Variants in CSDE1 observed in about 807,000 individuals in gnomAD.
The protein encoded by CSDE1 is cold shock domain-containing protein E1.
CSDE1 carries 17 observed loss-of-function variants against 89.3 expected under a neutral mutation model. The ratio of observed to expected loss-of-function variants is 0.19; its 90% confidence interval spans 0.13 to 0.29. The LOEUF is 0.29. Ranked by LOEUF, CSDE1 falls within the 10% of genes least tolerant of loss-of-function variation. CSDE1 has a pLI of 1.00. For missense variants in CSDE1, 672 were observed against 984.2 expected (o/e 0.68, Z 4.24); for synonymous variants, 322 against 332.8 (o/e 0.97, Z 0.35).
At chr1:114,727,199 A>T in intron 12 of CSDE1, 109 bp from the exon 13 acceptor site, 1 of 681,304 alleles carries the variant, frequency 1.5e-6, no homozygotes, top group Non-Finnish European at 2.4e-6. Flanking sequence ...GTACAGCTGT[A>T]AAAATGTCTT....
intron 2 of CSDE1, among the ~76,000 whole-genome samples, chr1:114,747,945 C>T (rs1661106405): frequency 6.6e-6 from 1 of 151,890 alleles, no homozygotes; most frequent in Non-Finnish European, 1.5e-5. Flanking sequence ...CTATCTAATC[C>T]AACAGAATCC....
chr1:114,717,517 A>G lies in CSDE1; in HGVS notation c.*652T>C, dbSNP rs1416012518. ...AAAGTTACCCCCCAACCCACGAAAA[A>G]AAACCTACTCTGGAAGAAAATTTTC... On this transcript the variant is annotated 3_prime_UTR_variant, in exon 20 of 20. Coordinates refer to ENST00000358528, the MANE Select transcript of CSDE1 (RefSeq NM_001007553.3). 1.3e-5 allele frequency: 2 copies of G among 152,592 alleles called. No homozygotes were observed. Among genetic ancestry groups the G allele is most frequent in the East Asian group, 3.8e-4 (2 of 5,196 alleles). 9.5% of individuals were successfully genotyped at this position (152,592 alleles called of 1,614,324 possible). A position where few individuals can be genotyped will look rare whatever the true frequency, so the allele number is the denominator to read the frequency against.
chr1:114,736,992 C>A, intron 5 of CSDE1, 137 bp from the exon 6 acceptor site: 1 of 620,870 alleles, frequency 1.6e-6, no homozygotes. Flanking sequence ...TGACAAGTCA[C>A]TTTATTCATA....
chr1:114,747,053 C>T (rs955447527), intron 2 of CSDE1, among the ~76,000 whole-genome samples: 39 of 152,272 alleles, frequency 2.6e-4, no homozygotes, highest in Middle Eastern at 3.4e-3. Context: ...AAACTAGGAG[C>T]GCGACAGGAA....
chr1:114,751,160 T>C (rs1661287157), intron 1 of CSDE1, among the ~76,000 whole-genome samples: 1 of 152,196 alleles, frequency 6.6e-6, no homozygotes, highest in African/African-American at 2.4e-5. Context: ...CAAACAGAAA[T>C]CTCATTTGCA....
chr1:114,723,740 A>G, intron 16 of CSDE1, 143 bp downstream of exon 16: 1 of 1,139,672 alleles, frequency 8.8e-7, no homozygotes. Context: ...TAAAAATAAA[A>G]AGCAAGCATG....
At chr1:114,718,543 T>C (rs1659330612) in intron 19 of CSDE1, 70 bp downstream of exon 19, 1 of 1,552,426 alleles carries the variant, frequency 6.4e-7, no homozygotes. Context: ...TGACCTATTG[T>C]TTAAATAGGA....
chr1:114,725,498 C>T (rs573121228), intron 14 of CSDE1, among the ~76,000 whole-genome samples, 165 bp from the exon 15 acceptor site: 1 of 152,182 alleles, frequency 6.6e-6, no homozygotes, highest in South Asian at 2.1e-4. Flanking sequence ...CAAGAATGCC[C>T]CATGAAGAGG....
At chr1:114,737,415 G>T in intron 5 of CSDE1, 56 bp downstream of exon 5, 1 of 1,317,426 alleles carries the variant, frequency 7.6e-7, no homozygotes, top group Non-Finnish European at 1.1e-6. Flanking sequence ...TTTAAAGTAC[G>T]CTTATAGATC....
Position 114,718,749 on chromosome 1 carries a change from T to A in CSDE1, c.2217-4A>T. The stretch of plus-strand genomic sequence containing the variant: ...TGCAACAGCCTTGGGGCCCTCACTG[T>A]AATTAAGTCAAAAGATGAGAAGAAA... On this transcript the variant is annotated splice_region_variant and splice_polypyrimidine_tract_variant and intron_variant, in intron 18 of 19. Coordinates refer to ENST00000358528, the MANE Select transcript of CSDE1 (RefSeq NM_001007553.3). The A allele has an allele frequency of 6.2e-7, 1 of 1,613,306 alleles. No homozygotes were observed. The highest frequency in any genetic ancestry group is 8.5e-7 in the Non-Finnish European group (1 of 1,179,730).
intron 1 of CSDE1, among the ~76,000 whole-genome samples, chr1:114,751,693 TAA>T (rs11370161): frequency 7.0e-6 from 1 of 142,458 alleles, no homozygotes; most frequent in African/African-American, 2.6e-5. Context: ...TGGGAAGCTT[TAA>T]AAAAAAAAAA....
At position 114,736,760 on chromosome 1, in the gene CSDE1, TTTA is replaced by T; in HGVS notation, c.495_497del (p.Asn165del). The T allele has an allele frequency of 6.2e-7, 1 of 1,603,150 alleles. No individual in the cohort carries two copies. Among genetic ancestry groups the T allele is most frequent in the Non-Finnish European group, 8.5e-7 (1 of 1,172,562 alleles). ...AAATTTAAAAAAAAAGAACTTACTG[TTTA>T]TTGTTATCAATTACAAAGTTTATTT... On this transcript the variant is annotated inframe_deletion, in exon 6 of 20. Coordinates refer to ENST00000358528, the MANE Select transcript of CSDE1 (RefSeq NM_001007553.3).
At chr1:114,741,120 A>G (rs1237718243) in intron 2 of CSDE1, among the ~76,000 whole-genome samples, 2 of 152,214 alleles carry the variant, frequency 1.3e-5, no homozygotes, top group Admixed American at 6.5e-5. Context: ...CCCACAAGAA[A>G]GTATTGTATT....
At chr1:114,725,354 A>T in intron 14 of CSDE1, 21 bp from the exon 15 acceptor site, 1 of 1,563,826 alleles carries the variant, frequency 6.4e-7, no homozygotes, top group South Asian at 1.1e-5. Context: ...AGGAAATGAC[A>T]TTTAACTAAA....
At chr1:114,747,351 T>C (rs1029670903) in intron 2 of CSDE1, among the ~76,000 whole-genome samples, 6 of 152,216 alleles carry the variant, frequency 3.9e-5, no homozygotes, top group African/African-American at 1.4e-4. Flanking sequence ...TTCACAACTG[T>C]ACAACCACAG....
chr1:114,744,670 G>A (rs192421909), intron 2 of CSDE1, among the ~76,000 whole-genome samples: 3 of 151,960 alleles, frequency 2.0e-5, no homozygotes, highest in Admixed American at 6.6e-5. Context: ...CTTTGCAAGG[G>A]CGGAACTTTC....
rs772142189 is a variant in CSDE1, at chr1:114,738,019, C to G, written c.253G>C (p.Val85Leu). The G allele has an allele frequency of 6.2e-7, 1 of 1,614,076 alleles. No individual in the cohort carries two copies. Among genetic ancestry groups the G allele is most frequent in the Admixed American group, 1.7e-5 (1 of 60,030 alleles). Residue 85 changes from valine to leucine, a missense_variant, in exon 4 of 20, where the codon GTT (valine) becomes CTT (leucine). Physicochemically the swap from Val to Leu is conservative, Grantham distance 32. This residue lies in a region of CSDE1 where 124 missense variants were observed against 138.7 expected (regional missense o/e 0.89). Transcript: ENST00000358528. ...TCTTGTTTTATCTTCACCAGTTTAA[C>G]AGCAATGGGTTTCCCAGTCCGTCGG... ...SDRRTGKPIAVKLVKIKQEIL... is the reference protein window; with the variant it reads ...SDRRTGKPIALKLVKIKQEIL...
rs373000705 is a variant in CSDE1 at position 114,717,398 on chromosome 1, AT to A, written c.*770del. 5,962 of 151,938 alleles carry A rather than the reference AT, an allele frequency of 0.039. 181 individuals are homozygous for A. The highest frequency in any genetic ancestry group is 0.1 in the South Asian group (495 of 4,806). 9.4% of individuals were successfully genotyped at this position (151,938 alleles called of 1,614,324 possible). A position where few individuals can be genotyped will look rare whatever the true frequency, so the allele number is the denominator to read the frequency against. ...TAAGCAGCAGCAAGTTTGTGCATTC[AT>A]TTTTTTTGTTTTTGTTTAAATATGT... On this transcript the variant is annotated 3_prime_UTR_variant, in exon 20 of 20. Coordinates refer to ENST00000358528, the MANE Select transcript of CSDE1 (RefSeq NM_001007553.3).
At chr1:114,725,081 A>C in intron 15 of CSDE1, 140 bp downstream of exon 15, 1 of 695,622 alleles carries the variant, frequency 1.4e-6, no homozygotes, top group Non-Finnish European at 2.6e-6. Context: ...TCTAACAAGC[A>C]ACCAGGTGAT....
Sources: allele counts gnomAD v4.1 joint callset (sites outside exome capture counted in the v4.1 genomes callset), GRCh38; gene constraint gnomAD v4.1.1; regional missense constraint gnomAD v4.1.1; transcripts MANE v1.5; gene names NCBI Gene and HGNC (gene_info 2026-07-23, HGNC 2026-07-21).